DNER: variants seen among roughly 807,000 people sequenced by gnomAD.
The protein encoded by DNER is delta/notch like EGF repeat containing, also known as delta and Notch-like epidermal growth factor-related receptor.
Under a neutral mutation model 78.2 loss-of-function variants are expected in DNER, and 33 were observed. That is an observed-to-expected ratio of 0.42 (90% confidence interval 0.32 to 0.56). DNER has a LOEUF of 0.56. Among genes scored for constraint, DNER ranks in the 20% least tolerant of loss-of-function variants. The pLI, the probability that DNER is intolerant of heterozygous loss-of-function variation, is 0.11. For synonymous variants in DNER, 417 were observed against 384.8 expected (o/e 1.08, Z -0.98); for missense variants, 918 against 975.3 (o/e 0.94, Z 0.78).
intron 5 of DNER, among the ~76,000 whole-genome samples, chr2:229,536,974 C>T (rs1269042261): frequency 6.6e-6 from 1 of 152,070 alleles, no homozygotes; most frequent in Non-Finnish European, 1.5e-5. Flanking sequence ...ACAACACATG[C>T]CAAATAAGAC....
intron 4 of DNER, among the ~76,000 whole-genome samples, chr2:229,573,181 A>G (rs931394104): frequency 7.2e-5 from 11 of 152,222 alleles, no homozygotes; most frequent in Non-Finnish European, 1.2e-4. Flanking sequence ...TTGTCTACCA[A>G]GCAAATATAA....
At chr2:229,426,980 T>C (rs1693892232) in intron 8 of DNER, among the ~76,000 whole-genome samples, 1 of 152,266 alleles carries the variant, frequency 6.6e-6, no homozygotes. Context: ...TTCTTTAGTC[T>C]CTAATTTCTT....
intron 5 of DNER, among the ~76,000 whole-genome samples, chr2:229,525,163 G>A (rs553784709): frequency 6.6e-6 from 1 of 152,290 alleles, no homozygotes; most frequent in Non-Finnish European, 1.5e-5. Context: ...ATCTTTAGCC[G>A]GGATGTGGGC....
chr2:229,610,662 C>T (rs1029730397), intron 1 of DNER, among the ~76,000 whole-genome samples: 2 of 151,974 alleles, frequency 1.3e-5, no homozygotes, highest in African/African-American at 2.4e-5. Flanking sequence ...TTTGGCAATG[C>T]TCAGAAATGT....
intron 4 of DNER, among the ~76,000 whole-genome samples, chr2:229,551,272 G>A (rs1027910822): frequency 6.6e-6 from 1 of 152,038 alleles, no homozygotes; most frequent in Non-Finnish European, 1.5e-5. Context: ...AAATATCTAC[G>A]ATGACTAATA....
chr2:229,662,945 G>C (rs1197776040), intron 1 of DNER, among the ~76,000 whole-genome samples: 3 of 152,152 alleles, frequency 2.0e-5, no homozygotes, highest in Non-Finnish European at 4.4e-5. Context: ...TTCACAACTT[G>C]GTTTATGTAG....
At chr2:229,622,596 G>A (rs1214538820) in intron 1 of DNER, among the ~76,000 whole-genome samples, 2 of 152,176 alleles carry the variant, frequency 1.3e-5, no homozygotes, top group African/African-American at 4.8e-5. Context: ...AAGAAGATTT[G>A]TTGATGTTGT....
At chr2:229,608,717 G>C (rs1697986945) in intron 1 of DNER, among the ~76,000 whole-genome samples, 1 of 152,226 alleles carries the variant, frequency 6.6e-6, no homozygotes, top group Non-Finnish European at 1.5e-5. Context: ...TCTGGGTAGA[G>C]AGGGAGGGAA....
chr2:229,706,293 G>A (rs781601540), intron 1 of DNER, among the ~76,000 whole-genome samples: 23 of 151,744 alleles, frequency 1.5e-4, no homozygotes, highest in Non-Finnish European at 5.9e-5. Flanking sequence ...GCTCATGCCT[G>A]TAATTCCAAC....
intron 6 of DNER, among the ~76,000 whole-genome samples, chr2:229,494,832 G>T (rs1695468394): frequency 6.6e-6 from 1 of 152,154 alleles, no homozygotes; most frequent in Non-Finnish European, 1.5e-5. Flanking sequence ...TAGATTCCAA[G>T]AAGTCCGACA....
Position 229,701,919 on chromosome 2 carries a change from T to G in DNER, c.276+12229A>C, listed in dbSNP as rs115652452. On this transcript the variant is annotated intron_variant, in intron 1 of 12. Transcript: ENST00000341772. Reference sequence around the variant, plus strand: ...CCAAGGACATTGGAGGTAACAGATATAGCCCCAATGGCATGCGGGCCAAAC... The same window carrying G: ...CCAAGGACATTGGAGGTAACAGATAGAGCCCCAATGGCATGCGGGCCAAAC... The G allele has an allele frequency of 1.2e-3, 202 of 162,360 alleles. 1 individual carries two copies. Among genetic ancestry groups the G allele is most frequent in the African/African-American group, 4.4e-3 (185 of 41,704 alleles). The allele number at this position is 162,360 out of a possible 1,614,324, so 10.1% of individuals were successfully genotyped here. A position where few individuals can be genotyped will look rare whatever the true frequency, so the allele number is the denominator to read the frequency against.
chr2:229,644,165 G>T (rs1312314815), intron 1 of DNER, among the ~76,000 whole-genome samples: 1 of 151,936 alleles, frequency 6.6e-6, no homozygotes, highest in Non-Finnish European at 1.5e-5. Context: ...ATTTTTGTGG[G>T]TACCTAGTAG....
intron 1 of DNER, among the ~76,000 whole-genome samples, chr2:229,687,614 G>A (rs181108524): frequency 2.3e-3 from 346 of 152,222 alleles, no homozygotes; most frequent in Non-Finnish European, 3.8e-3. Flanking sequence ...GGGATATTAT[G>A]AAATCAAAAG....
chr2:229,387,879 G>A (rs1692928118), intron 11 of DNER, among the ~76,000 whole-genome samples: 1 of 124,986 alleles, frequency 8.0e-6, no homozygotes, highest in Non-Finnish European at 1.9e-5. Flanking sequence ...GTGTGTGTGT[G>A]TGTGTGTGTG....
intron 1 of DNER, among the ~76,000 whole-genome samples, chr2:229,669,517 G>A (rs1460984605): frequency 6.6e-6 from 1 of 152,104 alleles, no homozygotes; most frequent in Non-Finnish European, 1.5e-5. Flanking sequence ...ACGGCCATTT[G>A]CAGGATATTG....
intron 4 of DNER, among the ~76,000 whole-genome samples, chr2:229,574,450 A>AAAAGAT (rs61309193): frequency 0.012 from 1,772 of 152,318 alleles, 51 homozygotes; most frequent in African/African-American, 0.04. Flanking sequence ...TTATTAACAT[A>AAAAGAT]AAAGATTGTC....
chr2:229,647,181 C>A (rs896471343), intron 1 of DNER, among the ~76,000 whole-genome samples: 23 of 151,990 alleles, frequency 1.5e-4, no homozygotes, highest in Admixed American at 2.0e-4. Flanking sequence ...TAAATAAATA[C>A]ATACATACAT....
At chr2:229,570,353 C>T (rs778785115) in intron 4 of DNER, among the ~76,000 whole-genome samples, 17 of 152,088 alleles carry the variant, frequency 1.1e-4, no homozygotes, top group Non-Finnish European at 2.1e-4. Context: ...AGAAAGTGGG[C>T]CAGGTGTGGT....
At chr2:229,462,013 A>G (rs1341912811) in intron 7 of DNER, among the ~76,000 whole-genome samples, 1 of 152,174 alleles carries the variant, frequency 6.6e-6, no homozygotes, top group African/African-American at 2.4e-5. Flanking sequence ...GAAAATAAAC[A>G]AAATAGAATT....
Sources: allele counts gnomAD v4.1 joint callset (sites outside exome capture counted in the v4.1 genomes callset), GRCh38; gene constraint gnomAD v4.1.1; transcripts MANE v1.5; gene names NCBI Gene and HGNC (gene_info 2026-07-23, HGNC 2026-07-21).